Variants in PCMTD1 observed in about 807,000 individuals in gnomAD.
The protein encoded by PCMTD1 is protein-L-isoaspartate O-methyltransferase domain-containing protein 1.
A neutral mutation model predicts 37.6 loss-of-function variants in PCMTD1; 12 were observed. That is an observed-to-expected ratio of 0.32 (90% confidence interval 0.20 to 0.52). The LOEUF is 0.52. Ranked by LOEUF, PCMTD1 falls within the 20% of genes least tolerant of loss-of-function variation. The probability of loss-of-function intolerance (pLI) is 0.97; values close to 1 mark genes in which losing one functional copy is unlikely to be tolerated. For missense variants in PCMTD1, 235 were observed against 421.3 expected (o/e 0.56, Z 3.87); for synonymous variants, 117 against 135.8 (o/e 0.86, Z 0.96).
intron 1 of PCMTD1, among the ~76,000 whole-genome samples, chr8:51,887,206 A>G (rs2038876411): frequency 6.6e-6 from 1 of 152,192 alleles, no homozygotes; most frequent in Admixed American, 6.5e-5. Flanking sequence ...ATAAGGTCAC[A>G]TATTCGCAGG....
At chr8:51,890,638 T>G (rs1036656422) in intron 1 of PCMTD1, among the ~76,000 whole-genome samples, 1 of 152,246 alleles carries the variant, frequency 6.6e-6, no homozygotes, top group Non-Finnish European at 1.5e-5. Context: ...ACAAAACCTC[T>G]GCACTACTTA....
chr8:51,861,127 C>G lies in PCMTD1; in HGVS notation c.25G>C (p.Glu9Gln), dbSNP rs775357416. Residue 9 changes from glutamate (E) to glutamine (Q), a missense_variant, in exon 2 of 6, where the codon GAA (glutamate) becomes CAA (glutamine). Transcript: ENST00000522514. MGGAVSAGEDNDDLIDNLK... is the reference protein window; with the variant it reads MGGAVSAGQDNDDLIDNLK... ...TTATCAATTAAGTCATCATTATCTT[C>G]CCCAGCACTCACAGCTCCTCCCATG... is the stretch of plus-strand genomic sequence containing the variant. 6.2e-7 allele frequency: 1 copy of G among 1,613,680 alleles called. No homozygotes were observed. The highest frequency in any genetic ancestry group is 8.5e-7 in the Non-Finnish European group (1 of 1,179,680).
intron 1 of PCMTD1, chr8:51,896,460 G>C (rs939058301): frequency 6.6e-6 from 1 of 152,048 alleles, no homozygotes; most frequent in East Asian, 1.9e-4. Flanking sequence ...TTACAAAAAA[G>C]TTCAACTACG....
At chr8:51,872,246 A>G (rs1042377850) in intron 1 of PCMTD1, among the ~76,000 whole-genome samples, 5 of 152,162 alleles carry the variant, frequency 3.3e-5, no homozygotes, top group African/African-American at 1.2e-4. Context: ...TTTCAAACCT[A>G]TATTACCACA....
intron 1 of PCMTD1, among the ~76,000 whole-genome samples, chr8:51,890,604 A>T (rs1168501099): frequency 6.6e-6 from 1 of 152,232 alleles, no homozygotes. Flanking sequence ...ATGGACTACA[A>T]AGATATAATG....
At chr8:51,887,021 CAT>C (rs936673645) in intron 1 of PCMTD1, among the ~76,000 whole-genome samples, 1 of 151,244 alleles carries the variant, frequency 6.6e-6, no homozygotes, top group African/African-American at 2.4e-5. Context: ...AAGCAAGAAA[CAT>C]GACGCTGATT....
intron 3 of PCMTD1, among the ~76,000 whole-genome samples, chr8:51,839,035 G>A (rs1403155674): frequency 6.6e-6 from 1 of 151,910 alleles, no homozygotes; most frequent in African/African-American, 2.4e-5. Flanking sequence ...CTTGATTTAG[G>A]AGTTCATTAA....
chr8:51,879,200 A>G (rs1447091446), intron 1 of PCMTD1, among the ~76,000 whole-genome samples: 1 of 152,002 alleles, frequency 6.6e-6, no homozygotes, highest in Non-Finnish European at 1.5e-5. Flanking sequence ...TATGTCCTAA[A>G]GCTCACTCCT....
chr8:51,835,569 GGTCT>G (rs2038056969), intron 3 of PCMTD1, among the ~76,000 whole-genome samples: 1 of 151,628 alleles, frequency 6.6e-6, no homozygotes, highest in Non-Finnish European at 1.5e-5. Flanking sequence ...ATTTCAGTAT[GGTCT>G]ATCTAAAAAT....
intron 1 of PCMTD1, among the ~76,000 whole-genome samples, chr8:51,871,714 T>C (rs543034898): frequency 2.0e-5 from 3 of 152,364 alleles, no homozygotes; most frequent in Admixed American, 6.5e-5. Context: ...GAAACAACTG[T>C]TGACTAAGTG....
In PCMTD1 at chr8:51,839,282, A is replaced by G. The variant is rs186682735; in HGVS notation, c.411-5593T>C. ...TTATTGATTTAAACCTGAAAATCCA[A>G]TGAATATTCTCAGACTCTCTTAGGC... On this transcript the variant is annotated intron_variant, in intron 3 of 5. Transcript: ENST00000522514. Among the ~76,000 whole-genome samples, 1,156 of 152,296 alleles carry G rather than the reference A, an allele frequency of 7.6e-3. 54 individuals are homozygous for G. Among genetic ancestry groups the G allele is most frequent in the Admixed American group, 0.066 (1,011 of 15,280 alleles).
At chr8:51,865,458 CATTGAAAGGATCACTCACCACCA>C (rs1033581654) in intron 1 of PCMTD1, among the ~76,000 whole-genome samples, 2 of 152,034 alleles carry the variant, frequency 1.3e-5, no homozygotes, top group African/African-American at 4.8e-5. Context: ...TTCAACAGAA[CATTGAAAGGATCACTCACCACCA>C]AGTGAGACTG....
At position 51,820,197 on chromosome 8, in the gene PCMTD1, A is replaced by T; in HGVS notation, c.*154T>A. ...TAAAAGGGATTCTTTTATTCACTGA[A>T]TACATCATTTGTGTTACTGACAGAA... On this transcript the variant is annotated 3_prime_UTR_variant, in exon 6 of 6. Transcript: ENST00000522514. The T allele has an allele frequency of 1.7e-6, 1 of 579,780 alleles. No homozygotes were observed. The highest frequency in any genetic ancestry group is 2.7e-6 in the Non-Finnish European group (1 of 364,740). The allele number at this position is 579,780 out of a possible 1,614,324, so 35.9% of individuals were successfully genotyped here.
At chr8:51,826,216 G>A (rs2037919159) in intron 5 of PCMTD1, among the ~76,000 whole-genome samples, 1 of 152,142 alleles carries the variant, frequency 6.6e-6, no homozygotes, top group Non-Finnish European at 1.5e-5. Context: ...TCCTTTGCAG[G>A]AACATGGATG....
chr8:51,828,307 A>T (rs917674978), intron 5 of PCMTD1, among the ~76,000 whole-genome samples: 1 of 152,234 alleles, frequency 6.6e-6, no homozygotes, highest in Non-Finnish European at 1.5e-5. Context: ...ATAAACTATA[A>T]TTCTAGTGTT....
intron 1 of PCMTD1, among the ~76,000 whole-genome samples, chr8:51,880,852 T>C (rs1251443496): frequency 2.0e-5 from 3 of 152,244 alleles, no homozygotes; most frequent in Non-Finnish European, 4.4e-5. Context: ...AAAGTAGCTA[T>C]AGACAACTTA....
At chr8:51,855,174 CAA>C (rs1306890644) in intron 2 of PCMTD1, among the ~76,000 whole-genome samples, 1 of 41,910 alleles carries the variant, frequency 2.4e-5, no homozygotes. Flanking sequence ...AACTCCATCT[CAA>C]AAAAAAAAAA....
At chr8:51,824,563 A>G (rs2037894781) in intron 5 of PCMTD1, among the ~76,000 whole-genome samples, 1 of 152,256 alleles carries the variant, frequency 6.6e-6, no homozygotes, top group Non-Finnish European at 1.5e-5. Flanking sequence ...AAACAAATGG[A>G]AAAACATTCC....
At chr8:51,843,058 T>A (rs1159432585) in intron 3 of PCMTD1, among the ~76,000 whole-genome samples, 2 of 152,156 alleles carry the variant, frequency 1.3e-5, no homozygotes, top group African/African-American at 4.8e-5. Context: ...ATTTTAAACT[T>A]GAAAATAAGT....
Sources: gnomAD v4.1 joint callset for allele counts (sites outside exome capture counted in the v4.1 genomes callset) on GRCh38, gnomAD v4.1.1 for gene constraint, MANE v1.5 for transcripts, NCBI Gene and HGNC (gene_info 2026-07-23, HGNC 2026-07-21) for gene names.